Variants in PLCH1 observed in about 807,000 individuals in gnomAD.
PLCH1 encodes 1-phosphatidylinositol 4,5-bisphosphate phosphodiesterase eta-1.
A neutral mutation model predicts 126.7 loss-of-function variants in PLCH1; 60 were observed. The ratio of observed to expected loss-of-function variants is 0.47; its 90% CI spans 0.38 to 0.59. The LOEUF (loss-of-function observed/expected upper bound fraction) is 0.59. Ranked by LOEUF, PLCH1 falls within the 20% of genes least tolerant of loss-of-function variation. The pLI is 0.00. For synonymous variants in PLCH1, 719 were observed against 734.9 expected (o/e 0.98, Z 0.35); for missense variants, 1,723 against 2,040.0 (o/e 0.84, Z 2.99).
chr3:155,515,026 A>T (rs1402799674), intron 11 of PLCH1, 142 bp from the exon 12 acceptor site: 1 of 526,612 alleles, frequency 1.9e-6, no homozygotes, highest in Non-Finnish European at 3.3e-6. Context: ...TCATTGTACC[A>T]TCTCAGTCTT....
intron 2 of PLCH1, among the ~76,000 whole-genome samples, chr3:155,600,841 TAACA>T (rs1158247228): frequency 1.3e-5 from 2 of 152,212 alleles, no homozygotes; most frequent in East Asian, 1.9e-4. Context: ...AATGGCTGCC[TAACA>T]GAGTAGCATA....
At chr3:155,718,633 G>A (rs921294895) in intron 1 of PLCH1, among the ~76,000 whole-genome samples, 1 of 152,096 alleles carries the variant, frequency 6.6e-6, no homozygotes, top group Admixed American at 6.6e-5. Flanking sequence ...GCAGAAACAG[G>A]AGCAAGAGGG....
At chr3:155,544,588 T>C (rs1310944504) in intron 10 of PLCH1, among the ~76,000 whole-genome samples, 1 of 152,190 alleles carries the variant, frequency 6.6e-6, no homozygotes, top group Non-Finnish European at 1.5e-5. Flanking sequence ...ATATAAATTT[T>C]TTTCAGCACC....
chr3:155,514,638 G>T, intron 12 of PLCH1, 85 bp downstream of exon 12: 2 of 850,920 alleles, frequency 2.4e-6, no homozygotes, highest in South Asian at 3.3e-5. Flanking sequence ...AGAAGTTGGA[G>T]GAGCATTTCA....
chr3:155,628,612 TA>T (rs1737652241), intron 2 of PLCH1, among the ~76,000 whole-genome samples: 1 of 151,438 alleles, frequency 6.6e-6, no homozygotes, highest in African/African-American at 2.4e-5. Context: ...CTGTGTCACA[TA>T]AAACTTACAT....
At chr3:155,465,541 T>C (rs966094743) in intron 21 of PLCH1, among the ~76,000 whole-genome samples, 2 of 151,930 alleles carry the variant, frequency 1.3e-5, no homozygotes, top group African/African-American at 4.8e-5. Context: ...TTAGGTAAAA[T>C]TCAGAGCATT....
At position 155,532,520 on chromosome 3, in the gene PLCH1, G is replaced by T. The variant is rs111813954; in HGVS notation, c.1363-8516C>A. 7.9e-4 allele frequency among the ~76,000 whole-genome samples: 120 copies of T among 152,236 alleles called. 3 individuals are homozygous for T. The highest frequency in any genetic ancestry group is 2.8e-3 in the African/African-American group (117 of 41,528). ...ACCCACGTGACTAGGGAGAAATCTGGGGGGAGGTGATTGGACTATGGGGGC... is the reference window on the plus strand; with the variant it reads ...ACCCACGTGACTAGGGAGAAATCTGTGGGGAGGTGATTGGACTATGGGGGC... On this transcript the variant is annotated intron_variant, in intron 10 of 22. Coordinates refer to ENST00000460012, the MANE Select transcript of PLCH1 (RefSeq NM_014996.4).
At chr3:155,677,130 G>C (rs760246685) in intron 2 of PLCH1, among the ~76,000 whole-genome samples, 2 of 151,812 alleles carry the variant, frequency 1.3e-5, no homozygotes. Flanking sequence ...TTCTAATATC[G>C]ACCCTATTGC....
Position 155,514,831 on chromosome 3 carries a change from C to T in PLCH1, c.1524G>A (p.Glu508=), listed in dbSNP as rs1444411690. ...GAATTTGAGATTCTTTTAACAGTGA[C>T]TCCAGTTTTTTCCTTATGAAAGATT... ...QVESFIRKKL[E]SLLKESQIRD... The change falls in exon 12 of 23, where the codon GAG becomes GAA. Residue 508 remains glutamate (E), a synonymous_variant. Transcript: ENST00000460012. The T allele has an allele frequency of 1.2e-6, 2 of 1,612,302 alleles. No individual in the cohort carries two copies. The highest frequency in any genetic ancestry group is 1.7e-6 in the Non-Finnish European group (2 of 1,178,610).
chr3:155,557,309 G>T (rs1033383202), intron 8 of PLCH1, among the ~76,000 whole-genome samples: 2 of 152,168 alleles, frequency 1.3e-5, no homozygotes, highest in Non-Finnish European at 2.9e-5. Flanking sequence ...TCTTGGAGAA[G>T]AAAGAGCATA....
chr3:155,544,555 A>C (rs1435067170), intron 10 of PLCH1, among the ~76,000 whole-genome samples: 2 of 152,114 alleles, frequency 1.3e-5, no homozygotes, highest in African/African-American at 2.4e-5. Context: ...CATCTACAGA[A>C]CTCTCCACCT....
intron 2 of PLCH1, among the ~76,000 whole-genome samples, chr3:155,693,735 GC>G (rs1389572059): frequency 6.6e-6 from 1 of 152,106 alleles, no homozygotes; most frequent in African/African-American, 2.4e-5. Flanking sequence ...TTCGAGACCA[GC>G]CTGGTCAACA....
chr3:155,503,493 C>T (rs551268191), intron 13 of PLCH1, among the ~76,000 whole-genome samples: 5 of 149,796 alleles, frequency 3.3e-5, no homozygotes, highest in Non-Finnish European at 1.5e-5. Flanking sequence ...ACTTTTTCCT[C>T]TTTGTACTAT....
chr3:155,597,100 T>A (rs1733074311), intron 2 of PLCH1, among the ~76,000 whole-genome samples: 1 of 151,814 alleles, frequency 6.6e-6, no homozygotes, highest in African/African-American at 2.4e-5. Flanking sequence ...TCTGTTATTT[T>A]TGCCTGTTTC....
intron 2 of PLCH1, among the ~76,000 whole-genome samples, chr3:155,685,078 T>G (rs542189123): frequency 2.2e-4 from 34 of 152,226 alleles, no homozygotes; most frequent in African/African-American, 7.7e-4. Context: ...AGAAGAGTAG[T>G]GAGTACCAGG....
At chr3:155,458,520 GAAAGAGAAAGAAAGAA>G (rs1712576162) in intron 21 of PLCH1, among the ~76,000 whole-genome samples, 2 of 133,874 alleles carry the variant, frequency 1.5e-5, no homozygotes, top group African/African-American at 3.0e-5. Context: ...AGAGAAATAA[GAAAGAGAAAGAAAGAA>G]AAAGAAAAAG....
At chr3:155,550,070 G>A (rs1383353547) in intron 9 of PLCH1, 112 bp from the exon 10 acceptor site, 4 of 635,676 alleles carry the variant, frequency 6.3e-6, no homozygotes, top group African/African-American at 1.8e-5. Context: ...CAGTATTTGC[G>A]ATACTGATGA....
chr3:155,468,635 G>C (rs185100195), intron 21 of PLCH1, among the ~76,000 whole-genome samples: 50 of 152,230 alleles, frequency 3.3e-4, no homozygotes, highest in Admixed American at 1.5e-3. Context: ...AAAACTATAA[G>C]AAGAGACAAA....
intron 8 of PLCH1, among the ~76,000 whole-genome samples, chr3:155,561,695 T>C (rs1257131481): frequency 4.6e-5 from 7 of 152,138 alleles, no homozygotes; most frequent in African/African-American, 1.7e-4. Context: ...TCTAGATCCC[T>C]GAGGAATCGC....
Sources: allele counts gnomAD v4.1 joint callset (sites outside exome capture counted in the v4.1 genomes callset), GRCh38; gene constraint gnomAD v4.1.1; transcripts MANE v1.5; gene names NCBI Gene and HGNC (gene_info 2026-07-23, HGNC 2026-07-21).